ALOXE3: variants seen among roughly 807,000 people sequenced by gnomAD.
ALOXE3 encodes arachidonate epidermal lipoxygenase 3, also known as hydroperoxide isomerase ALOXE3.
In ALOXE3, 78 loss-of-function variants were observed where a neutral mutation model predicts 87.5. That is an observed-to-expected ratio of 0.89 (90% CI 0.74 to 1.08). The LOEUF is 1.08. ALOXE3 is among the 50% of genes least tolerant of loss of function. The pLI, the probability that ALOXE3 is intolerant of heterozygous loss-of-function variation, is 0.00. For synonymous variants in ALOXE3, 363 were observed against 370.8 expected (o/e 0.98, Z 0.24); for missense variants, 946 against 912.4 (o/e 1.04, Z -0.47).
chr17:8,105,299 C>A (rs909978109), intron 13 of ALOXE3, among the ~76,000 whole-genome samples: 3 of 152,120 alleles, frequency 2.0e-5, no homozygotes, highest in African/African-American at 7.2e-5. Flanking sequence ...CTTACTATAC[C>A]TCTGCCTGCT....
At chr17:8,103,269 C>A (rs1048974210) in intron 15 of ALOXE3, 54 bp downstream of exon 15, 9 of 1,599,624 alleles carry the variant, frequency 5.6e-6, no homozygotes, top group Non-Finnish European at 7.7e-6. Context: ...GCCACCACCA[C>A]CCCTACTGGT....
At chr17:8,102,957 A>G (rs1219762910) in intron 15 of ALOXE3, among the ~76,000 whole-genome samples, 3 of 152,206 alleles carry the variant, frequency 2.0e-5, no homozygotes, top group African/African-American at 7.2e-5. Flanking sequence ...TGTCTCCTCA[A>G]CTAGACCACA....
rs1464605189 is a variant in ALOXE3 at position 8,112,159 on chromosome 17, T to C, written c.718A>G (p.Lys240Glu). ...GMKLRGLLDR[K>E]GSWKKLDDMQ... ...TCATCCAGCTTCTTCCAGGAGCCCTTGCGATCCAACAGCCCTCGAAGCTTC... is the reference window on the plus strand; with the variant it reads ...TCATCCAGCTTCTTCCAGGAGCCCTCGCGATCCAACAGCCCTCGAAGCTTC... The change falls in exon 7 of 16, where the codon AAG (lysine) becomes GAG (glutamate). Residue 240 changes from lysine to glutamate, a missense_variant. By Grantham distance (56) the Lys-to-Glu change is moderately conservative. Transcript: ENST00000448843. 4.3e-6 allele frequency: 7 copies of C among 1,614,184 alleles called. No homozygotes were observed. Among genetic ancestry groups the C allele is most frequent in the Non-Finnish European group, 5.9e-6 (7 of 1,180,046 alleles).
rs1010335929 is a variant in ALOXE3 at position 8,109,246 on chromosome 17, G to A, written c.1490C>T (p.Ala497Val). The part of the protein sequence containing the change: ...TNFCLPDSLR[A>V]RGVLAIPNYH... Reference sequence around the variant, plus strand: ...GTTGGGGATAGCCAGGACGCCGCGGGCCCGCAGGCTGTCCGGAAGGCAGAA... The same window carrying A: ...GTTGGGGATAGCCAGGACGCCGCGGACCCGCAGGCTGTCCGGAAGGCAGAA... Residue 497 changes from alanine to valine, a missense_variant, in exon 12 of 16, where the codon GCC (alanine) becomes GTC (valine). By Grantham distance (64) the Ala-to-Val change is moderately conservative. Coordinates refer to ENST00000448843, the MANE Select transcript of ALOXE3 (RefSeq NM_021628.3). 4 of 1,614,104 alleles carry A rather than the reference G, an allele frequency of 2.5e-6. No homozygotes were observed. The African/African-American group carries it at 4.0e-5, about 16-fold the overall frequency.
rs536378933 is a variant in ALOXE3, at chr17:8,108,064, A to G, written c.1684+404T>C. ...GAAAGAAAGAAAGAAAGAAAGAAAG[A>G]AAGGAAGAGAGGTTGGTGGCTGGAG... On this transcript the variant is annotated intron_variant, in intron 13 of 15. Coordinates refer to ENST00000448843, the MANE Select transcript of ALOXE3 (RefSeq NM_021628.3). 4.3e-4 allele frequency among the ~76,000 whole-genome samples: 65 copies of G among 149,448 alleles called. 14 individuals are homozygous for G. The highest frequency in any genetic ancestry group is 6.0e-4 in the Admixed American group (9 of 14,966).
intron 6 of ALOXE3, among the ~76,000 whole-genome samples, chr17:8,113,094 G>A (rs927347870): frequency 6.6e-6 from 1 of 152,130 alleles, no homozygotes; most frequent in Non-Finnish European, 1.5e-5. Context: ...CCATCTCTAT[G>A]ATAAAAATCT....
intron 3 of ALOXE3, 127 bp downstream of exon 3, chr17:8,116,640 TCAGAAAACA>T: frequency 1.8e-6 from 2 of 1,089,608 alleles, no homozygotes; most frequent in Non-Finnish European, 2.7e-6. Context: ...CTCCCTTTTT[TCAGAAAACA>T]TCTACTTGGG....
chr17:8,100,732 C>T (rs1306038757), intron 15 of ALOXE3, among the ~76,000 whole-genome samples: 2 of 152,210 alleles, frequency 1.3e-5, no homozygotes, highest in African/African-American at 4.8e-5. Flanking sequence ...AATCCTCTCT[C>T]TGCGGCCTCC....
At chr17:8,116,714 C>A (rs1269062911) in intron 3 of ALOXE3, 62 bp downstream of exon 3, 16 of 1,564,970 alleles carry the variant, frequency 1.0e-5, no homozygotes, top group African/African-American at 6.8e-5. Context: ...CTCTGTGAGA[C>A]CCCACTCCTA....
At chr17:8,107,189 G>A (rs565486814) in intron 13 of ALOXE3, among the ~76,000 whole-genome samples, 2 of 152,272 alleles carry the variant, frequency 1.3e-5, no homozygotes, top group Admixed American at 6.5e-5. Context: ...ATGATTAATA[G>A]CAGGTTTGCA....
intron 5 of ALOXE3, 95 bp downstream of exon 5, chr17:8,114,843 C>A (rs1235728576): frequency 3.8e-6 from 6 of 1,569,916 alleles, no homozygotes; most frequent in Non-Finnish European, 4.4e-6. Flanking sequence ...TTGTCATAGA[C>A]CCCTACCCCT....
At position 8,103,415 on chromosome 17, in the gene ALOXE3, G is replaced by C; in HGVS notation, c.1864C>G (p.Leu622Val). 1 of 1,614,154 alleles carries C rather than the reference G, an allele frequency of 6.2e-7. No individual in the cohort carries two copies. The highest frequency in any genetic ancestry group is 1.7e-5 in the Admixed American group (1 of 60,018). Residue 622 changes from leucine (L) to valine (V), a missense_variant, in exon 15 of 16, where the codon CTG becomes GTG. Leu to Val is a conservative substitution (Grantham distance 32). Coordinates refer to ENST00000448843, the MANE Select transcript of ALOXE3 (RefSeq NM_021628.3). ...GGGAGGGTGTCTAGGTAAGTCTTCA[G>C]GGTGGTGGTCCCCTTGGTCTGGGGT... is the stretch of plus-strand genomic sequence containing the variant. ...PPPQTKGTTTLKTYLDTLPEV... is the reference protein window; with the variant it reads ...PPPQTKGTTTVKTYLDTLPEV...
intron 2 of ALOXE3, 68 bp from the exon 3 acceptor site, chr17:8,117,048 A>G: frequency 1.4e-6 from 2 of 1,422,372 alleles, no homozygotes; most frequent in Non-Finnish European, 2.0e-6. Flanking sequence ...GCGCCTTGCA[A>G]GATGCATCTA....
intron 5 of ALOXE3, 66 bp downstream of exon 5, chr17:8,114,871 AC>A: frequency 6.2e-7 from 1 of 1,607,062 alleles, no homozygotes; most frequent in Admixed American, 1.7e-5. Context: ...GGCTATCAGG[AC>A]CCCATCCTCC....
intron 13 of ALOXE3, 32 bp from the exon 14 acceptor site, chr17:8,104,247 G>A: frequency 1.4e-5 from 21 of 1,555,272 alleles, no homozygotes; most frequent in Non-Finnish European, 1.9e-5. Flanking sequence ...AGAGGGTGTG[G>A]ATGGAAGGTA....
At chr17:8,107,094 C>T (rs1052348997) in intron 13 of ALOXE3, among the ~76,000 whole-genome samples, 1 of 152,162 alleles carries the variant, frequency 6.6e-6, no homozygotes, top group African/African-American at 2.4e-5. Flanking sequence ...ATTAGATCCC[C>T]CTTTGGGTCT....
intron 15 of ALOXE3, among the ~76,000 whole-genome samples, chr17:8,102,317 AC>A (rs1412419839): frequency 6.6e-6 from 1 of 151,930 alleles, no homozygotes; most frequent in Non-Finnish European, 1.5e-5. Flanking sequence ...ACATGGTGAA[AC>A]CCCATCTCTA....
intron 3 of ALOXE3, among the ~76,000 whole-genome samples, chr17:8,116,470 G>A (rs1980595443): frequency 6.6e-6 from 1 of 152,100 alleles, no homozygotes; most frequent in Non-Finnish European, 1.5e-5. Flanking sequence ...GGGTCTGGAG[G>A]AACTCACTCT....
At chr17:8,113,724 T>C (rs1056392956) in intron 6 of ALOXE3, among the ~76,000 whole-genome samples, 1 of 150,574 alleles carries the variant, frequency 6.6e-6, no homozygotes, top group East Asian at 2.0e-4. Flanking sequence ...GTCAATAACA[T>C]AGGATGTATA....
Sources: allele counts gnomAD v4.1 joint callset (sites outside exome capture counted in the v4.1 genomes callset), GRCh38; gene constraint gnomAD v4.1.1; transcripts MANE v1.5; gene names NCBI Gene and HGNC (gene_info 2026-07-23, HGNC 2026-07-21).